The following SPOCK1 variants were observed in gnomAD, a reference collection of about 807,000 sequenced individuals.
SPOCK1 encodes SPARC (osteonectin), cwcv and kazal like domains proteoglycan 1.
SPOCK1 carries 23 observed loss-of-function variants against 55.3 expected under a neutral mutation model. The ratio of observed to expected loss-of-function variants is 0.42; its 90% CI spans 0.30 to 0.59. The LOEUF (loss-of-function observed/expected upper bound fraction) is 0.59. Among genes scored for constraint, SPOCK1 ranks in the 20% least tolerant of loss-of-function variants. SPOCK1 has a pLI of 0.22. For synonymous variants in SPOCK1, 226 were observed against 221.0 expected (o/e 1.02, Z -0.20); for missense variants, 499 against 552.5 (o/e 0.90, Z 0.97).
At chr5:137,474,854 T>C (rs1282794182) in intron 2 of SPOCK1, among the ~76,000 whole-genome samples, 4 of 152,144 alleles carry the variant, frequency 2.6e-5, no homozygotes, top group Admixed American at 1.3e-4. Context: ...TAAAAAATAC[T>C]AGCAAAAAAA....
At chr5:137,137,205 C>T (rs1020482772) in intron 4 of SPOCK1, among the ~76,000 whole-genome samples, 2 of 152,214 alleles carry the variant, frequency 1.3e-5, no homozygotes, top group African/African-American at 2.4e-5. Context: ...TCTCTGTGTG[C>T]ACTCATGACT....
chr5:137,340,362 G>T (rs1750391897), intron 2 of SPOCK1, among the ~76,000 whole-genome samples: 1 of 152,180 alleles, frequency 6.6e-6, no homozygotes, highest in African/African-American at 2.4e-5. Context: ...GAGAATGCTG[G>T]ATAATAATTA....
chr5:137,304,339 G>A (rs912583565), intron 2 of SPOCK1, among the ~76,000 whole-genome samples: 7 of 152,182 alleles, frequency 4.6e-5, no homozygotes, highest in Non-Finnish European at 1.0e-4. Context: ...ACACAGGCTT[G>A]CCAATAAACC....
At chr5:137,432,268 G>T (rs1375478831) in intron 2 of SPOCK1, among the ~76,000 whole-genome samples, 1 of 152,162 alleles carries the variant, frequency 6.6e-6, no homozygotes, top group African/African-American at 2.4e-5. Context: ...ACACCCAAAA[G>T]AACTGAAAGC....
chr5:137,143,536 C>T (rs1033349089), intron 3 of SPOCK1, among the ~76,000 whole-genome samples: 1 of 152,060 alleles, frequency 6.6e-6, no homozygotes, highest in Non-Finnish European at 1.5e-5. Context: ...ACTTTCCTCT[C>T]CTGTAAAAAT....
chr5:137,171,234 G>C (rs184964628), intron 3 of SPOCK1, among the ~76,000 whole-genome samples: 13 of 152,148 alleles, frequency 8.5e-5, no homozygotes, highest in Middle Eastern at 6.8e-3. Context: ...CTCTTGTCTT[G>C]ACAGCCTCCT....
At chr5:137,131,966 C>T (rs1184278698) in intron 4 of SPOCK1, among the ~76,000 whole-genome samples, 13 of 28,242 alleles carry the variant, frequency 4.6e-4, no homozygotes, top group Admixed American at 9.5e-4. Context: ...AGCGAGACTC[C>T]GTCTCAAAAA....
At chr5:137,367,614 G>A (rs1751102745) in intron 2 of SPOCK1, among the ~76,000 whole-genome samples, 1 of 152,156 alleles carries the variant, frequency 6.6e-6, no homozygotes, top group South Asian at 2.1e-4. Flanking sequence ...ATTCCCCATG[G>A]CTATCCCATG....
At chr5:137,407,239 G>T (rs746907418) in intron 2 of SPOCK1, among the ~76,000 whole-genome samples, 9 of 152,202 alleles carry the variant, frequency 5.9e-5, no homozygotes, top group Non-Finnish European at 1.3e-4. Flanking sequence ...AGGAGAATGG[G>T]CAATTTTAGA....
At chr5:137,318,277 T>A (rs561830563) in intron 2 of SPOCK1, among the ~76,000 whole-genome samples, 1 of 152,196 alleles carries the variant, frequency 6.6e-6, no homozygotes, top group South Asian at 2.1e-4. Flanking sequence ...ATACTGGGTT[T>A]GAGTAAAGAG....
At chr5:137,211,296 T>C (rs1205266764) in intron 3 of SPOCK1, among the ~76,000 whole-genome samples, 1 of 152,164 alleles carries the variant, frequency 6.6e-6, no homozygotes, top group Non-Finnish European at 1.5e-5. Context: ...CTGTGTGACC[T>C]TGAGCAAGTC....
At chr5:137,076,640 G>A (rs116172543) in intron 5 of SPOCK1, among the ~76,000 whole-genome samples, 3,691 of 150,706 alleles carry the variant, frequency 0.024, 171 homozygotes, top group African/African-American at 0.086. Context: ...AATGGTTGAC[G>A]GGTAGCCAAA....
rs143404520 is a variant in SPOCK1 at position 137,070,147 on chromosome 5, G to T, written c.475-2318C>A. ...AATCACTGGTTTCATCACCTCTGTT[G>T]CTCTTCTCTACCATGAAAATGATGT... On this transcript the variant is annotated intron_variant, in intron 5 of 10. Coordinates refer to ENST00000394945, the MANE Select transcript of SPOCK1 (RefSeq NM_004598.4). Among the ~76,000 whole-genome samples the T allele has an allele frequency of 3.6e-3, 543 of 152,260 alleles. 20 individuals are homozygous for T. Among genetic ancestry groups the T allele is most frequent in the Admixed American group, 0.029 (451 of 15,302 alleles).
At chr5:137,452,912 G>A (rs918914229) in intron 2 of SPOCK1, among the ~76,000 whole-genome samples, 2 of 152,074 alleles carry the variant, frequency 1.3e-5, no homozygotes, top group Non-Finnish European at 2.9e-5. Flanking sequence ...CTACCTGGGT[G>A]GAGAAAAAAG....
At chr5:137,105,957 C>G (rs1249827181) in intron 5 of SPOCK1, among the ~76,000 whole-genome samples, 1 of 152,162 alleles carries the variant, frequency 6.6e-6, no homozygotes, top group Non-Finnish European at 1.5e-5. Flanking sequence ...TGCTGGCTCT[C>G]AAGACTCACA....
At chr5:137,373,658 G>A (rs1014236543) in intron 2 of SPOCK1, among the ~76,000 whole-genome samples, 1 of 152,214 alleles carries the variant, frequency 6.6e-6, no homozygotes, top group Admixed American at 6.5e-5. Context: ...TGTGTACTCG[G>A]CAGCATGCTG....
At chr5:137,419,751 G>A (rs1442626601) in intron 2 of SPOCK1, among the ~76,000 whole-genome samples, 3 of 152,106 alleles carry the variant, frequency 2.0e-5, no homozygotes, top group Non-Finnish European at 4.4e-5. Flanking sequence ...CTGCAAACAG[G>A]GACAATTTGA....
chr5:137,039,521 G>T (rs1751954089), intron 6 of SPOCK1, among the ~76,000 whole-genome samples: 1 of 152,092 alleles, frequency 6.6e-6, no homozygotes, highest in African/African-American at 2.4e-5. Context: ...GTTGGAAGAT[G>T]CAAATTCAGA....
chr5:137,477,715 CAG>C (rs1753865118), intron 2 of SPOCK1, among the ~76,000 whole-genome samples: 1 of 152,152 alleles, frequency 6.6e-6, no homozygotes, highest in African/African-American at 2.4e-5. Flanking sequence ...AGGGGGAAAA[CAG>C]AGCTGCATTT....
Sources: allele counts gnomAD v4.1 joint callset (sites outside exome capture counted in the v4.1 genomes callset), GRCh38; gene constraint gnomAD v4.1.1; transcripts MANE v1.5; gene names NCBI Gene and HGNC (gene_info 2026-07-23, HGNC 2026-07-21).